Variants in SPATS2 observed in about 807,000 individuals in gnomAD.
SPATS2 encodes spermatogenesis-associated serine-rich protein 2.
In SPATS2, 38 loss-of-function variants were observed where a neutral mutation model predicts 63.7. The ratio of observed to expected loss-of-function variants is 0.60; its 90% CI spans 0.46 to 0.78. The LOEUF (loss-of-function observed/expected upper bound fraction) is 0.78. Ranked by LOEUF, SPATS2 falls within the 30% of genes least tolerant of loss-of-function variation. SPATS2 has a pLI of 0.00. For missense variants in SPATS2, 588 were observed against 666.2 expected (o/e 0.88, Z 1.29); for synonymous variants, 207 against 232.9 (o/e 0.89, Z 1.01).
chr12:49,524,507 G>A (rs1592487264), intron 12 of SPATS2, among the ~76,000 whole-genome samples, 175 bp from the exon 13 acceptor site: 2 of 152,342 alleles, frequency 1.3e-5, no homozygotes, highest in Middle Eastern at 3.4e-3. Flanking sequence ...GGAGGAAGTG[G>A]AGGAAGAGGG....
intron 2 of SPATS2, among the ~76,000 whole-genome samples, chr12:49,395,303 T>C (rs1043449691): frequency 7.2e-5 from 11 of 152,094 alleles, no homozygotes; most frequent in Non-Finnish European, 1.5e-4. Context: ...CAGTCTTCTT[T>C]TATTTCTTTT....
chr12:49,513,978 A>T (rs1328835569), intron 9 of SPATS2, among the ~76,000 whole-genome samples: 3 of 152,088 alleles, frequency 2.0e-5, no homozygotes, highest in African/African-American at 7.2e-5. Flanking sequence ...GACACGGTGA[A>T]ACCCCATCTC....
chr12:49,490,434 A>C, intron 5 of SPATS2: 1 of 467,420 alleles, frequency 2.1e-6, no homozygotes, highest in Non-Finnish European at 3.8e-6. Context: ...CAGCTACATT[A>C]GTCTCTTCTT....
At chr12:49,443,599 T>C (rs906111103) in intron 2 of SPATS2, among the ~76,000 whole-genome samples, 3 of 152,168 alleles carry the variant, frequency 2.0e-5, no homozygotes, top group African/African-American at 7.2e-5. Context: ...CTCTTATGTT[T>C]TTTCTAGGGT....
chr12:49,399,114 G>A (rs185761796), intron 2 of SPATS2, among the ~76,000 whole-genome samples: 5 of 151,026 alleles, frequency 3.3e-5, no homozygotes, highest in African/African-American at 4.9e-5. Context: ...ATACGTTTTC[G>A]TGTCTTTTTT....
chr12:49,489,640 T>A, intron 5 of SPATS2, 67 bp downstream of exon 5: 1 of 1,360,826 alleles, frequency 7.3e-7, no homozygotes, highest in South Asian at 1.3e-5. Context: ...CAGACTTTTA[T>A]AACATTCAGC....
At chr12:49,428,051 C>T (rs573178843) in intron 2 of SPATS2, among the ~76,000 whole-genome samples, 3 of 151,816 alleles carry the variant, frequency 2.0e-5, no homozygotes, top group Admixed American at 6.6e-5. Flanking sequence ...GTCAGGAGAT[C>T]GAGACCATCC....
chr12:49,415,756 T>G (rs570153502), intron 2 of SPATS2, among the ~76,000 whole-genome samples: 14 of 152,356 alleles, frequency 9.2e-5, no homozygotes, highest in Middle Eastern at 6.8e-3. Flanking sequence ...TTAGGCTTTT[T>G]GGGCCATATG....
chr12:49,509,710 G>A (rs867249478), intron 9 of SPATS2, among the ~76,000 whole-genome samples: 2 of 151,562 alleles, frequency 1.3e-5, no homozygotes, highest in African/African-American at 4.9e-5. Flanking sequence ...CCAGCTACTC[G>A]GGAGGCTGAG....
intron 2 of SPATS2, among the ~76,000 whole-genome samples, chr12:49,447,641 A>G (rs77438349): frequency 0.054 from 8,266 of 152,240 alleles, 320 homozygotes; most frequent in Non-Finnish European, 0.077. Flanking sequence ...TGTGTGTGGG[A>G]AGGATTTTAG....
chr12:49,505,134 G>A (rs757923882), intron 9 of SPATS2, among the ~76,000 whole-genome samples: 5 of 151,908 alleles, frequency 3.3e-5, no homozygotes, highest in Non-Finnish European at 7.4e-5. Flanking sequence ...ACATTTAAAG[G>A]CCACATATAG....
chr12:49,507,685 C>T (rs780448457), intron 9 of SPATS2, among the ~76,000 whole-genome samples: 3 of 152,068 alleles, frequency 2.0e-5, no homozygotes, highest in Non-Finnish European at 4.4e-5. Flanking sequence ...TAGTTGTAAT[C>T]GCAGTGAGAG....
chr12:49,371,142 A>G (rs926832915), intron 1 of SPATS2, 86 bp from the exon 2 acceptor site: 2 of 152,246 alleles, frequency 1.3e-5, no homozygotes, highest in African/African-American at 4.8e-5. Flanking sequence ...CATCACCACC[A>G]TCCATCTTGG....
chr12:49,451,309 G>A (rs1432214366), intron 2 of SPATS2, among the ~76,000 whole-genome samples: 1 of 150,412 alleles, frequency 6.6e-6, no homozygotes, highest in Non-Finnish European at 1.5e-5. Flanking sequence ...CTATTTTTCA[G>A]TTGTTTTCTT....
intron 1 of SPATS2, among the ~76,000 whole-genome samples, chr12:49,370,486 C>T (rs912983626): frequency 6.6e-6 from 1 of 152,216 alleles, no homozygotes; most frequent in Non-Finnish European, 1.5e-5. Flanking sequence ...TCAGCTTCCT[C>T]AGTTGCTTAG....
chr12:49,526,374 C>A lies in SPATS2; in HGVS notation c.*119C>A. 1 of 1,233,252 alleles carries A rather than the reference C, an allele frequency of 8.1e-7. No homozygotes were observed. The highest frequency in any genetic ancestry group is 1.1e-6 in the Non-Finnish European group (1 of 909,650). 76.4% of individuals were successfully genotyped at this position (1,233,252 alleles called of 1,614,324 possible). A position where few individuals can be genotyped will look rare whatever the true frequency, so the allele number is the denominator to read the frequency against. ...AAGTTTATGCGTATCACTTTTTGTG[C>A]CATTCTAAGTATTTTTGGTTTCTTG... is the stretch of plus-strand genomic sequence containing the variant. On this transcript the variant is annotated 3_prime_UTR_variant, in exon 14 of 14. Transcript: ENST00000552918.
intron 9 of SPATS2, among the ~76,000 whole-genome samples, chr12:49,504,270 A>G (rs1236982980): frequency 6.6e-6 from 1 of 152,244 alleles, no homozygotes; most frequent in Non-Finnish European, 1.5e-5. Flanking sequence ...ACAAAAACTG[A>G]CACACCTATA....
At chr12:49,439,396 A>T (rs1476998040) in intron 2 of SPATS2, among the ~76,000 whole-genome samples, 1 of 152,142 alleles carries the variant, frequency 6.6e-6, no homozygotes, top group African/African-American at 2.4e-5. Flanking sequence ...TGAAAAATAG[A>T]CTACATTAAC....
chr12:49,499,391 G>GTT (rs1555191368), intron 8 of SPATS2, among the ~76,000 whole-genome samples: 3 of 146,548 alleles, frequency 2.0e-5, no homozygotes, highest in East Asian at 4.2e-4. Context: ...GTTCTGCCTG[G>GTT]TTGTTTTGTT....
Sources: gnomAD v4.1 joint callset for allele counts (sites outside exome capture counted in the v4.1 genomes callset) on GRCh38, gnomAD v4.1.1 for gene constraint, MANE v1.5 for transcripts, NCBI Gene and HGNC (gene_info 2026-07-23, HGNC 2026-07-21) for gene names.